CTNND2: variants seen among roughly 807,000 people sequenced by gnomAD.
The protein encoded by CTNND2 is catenin delta 2.
CTNND2 carries 22 observed loss-of-function variants against 144.4 expected under a neutral mutation model. The observed-to-expected ratio is 0.15, with a 90% CI of 0.11 to 0.22. CTNND2 has a LOEUF of 0.22. Ranked by LOEUF, CTNND2 falls within the 10% of genes least tolerant of loss-of-function variation. The probability of loss-of-function intolerance (pLI) is 1.00; values close to 1 mark genes in which losing one functional copy is unlikely to be tolerated. For missense variants in CTNND2, 1,353 were observed against 1,618.8 expected, an observed-to-expected ratio of 0.84 and a Z score of 2.82; for synonymous variants, 751 against 695.6, an observed-to-expected ratio of 1.08 and a Z score of -1.25.
intron 9 of CTNND2, among the ~76,000 whole-genome samples, chr5:11,329,406 C>T (rs572915469): frequency 1.3e-5 from 2 of 152,300 alleles, no homozygotes; most frequent in Admixed American, 6.5e-5. Context: ...CCCCATCCCT[C>T]GGCCTCCCAA....
At chr5:11,549,125 T>C (rs1775527176) in intron 3 of CTNND2, among the ~76,000 whole-genome samples, 1 of 152,230 alleles carries the variant, frequency 6.6e-6, no homozygotes, top group South Asian at 2.1e-4. Flanking sequence ...GCTTGATATA[T>C]GTCTTGTTAT....
At chr5:11,311,058 G>GC (rs568671901) in intron 9 of CTNND2, among the ~76,000 whole-genome samples, 191 of 115,434 alleles carry the variant, frequency 1.7e-3, no homozygotes, top group African/African-American at 6.1e-3. Context: ...AGGCACTCAC[G>GC]CTCCCCATGC....
chr5:11,633,584 T>A (rs779229244), intron 2 of CTNND2, among the ~76,000 whole-genome samples: 2 of 152,072 alleles, frequency 1.3e-5, no homozygotes, highest in Non-Finnish European at 2.9e-5. Context: ...GAGACAACCA[T>A]GGCCAACATA....
At chr5:11,552,972 AT>A (rs1775896284) in intron 3 of CTNND2, among the ~76,000 whole-genome samples, 1 of 152,208 alleles carries the variant, frequency 6.6e-6, no homozygotes, top group East Asian at 1.9e-4. Context: ...GGAGACACAA[AT>A]GCCTTTCTAC....
At chr5:11,762,125 C>T in intron 1 of CTNND2, among the ~76,000 whole-genome samples, 1 of 152,068 alleles carries the variant, frequency 6.6e-6, no homozygotes, top group Non-Finnish European at 1.5e-5. Context: ...ATCTCAATTT[C>T]ACGTTGTCAA....
At chr5:11,208,123 T>G (rs1738242738) in intron 10 of CTNND2, among the ~76,000 whole-genome samples, 1 of 152,172 alleles carries the variant, frequency 6.6e-6, no homozygotes, top group South Asian at 2.1e-4. Flanking sequence ...CAACATGGTA[T>G]AGAAAATACT....
chr5:11,617,607 T>C (rs1780641068), intron 2 of CTNND2, among the ~76,000 whole-genome samples: 1 of 152,206 alleles, frequency 6.6e-6, no homozygotes, highest in Non-Finnish European at 1.5e-5. Context: ...AAAATGAATA[T>C]TAAATGGCTC....
chr5:11,307,497 A>T lies in CTNND2; in HGVS notation c.1628+38875T>A, dbSNP rs564206606. On this transcript the variant is annotated intron_variant, in intron 9 of 21. Transcript: ENST00000304623. ...TATGACAGGGGCCAAGGGGCTGAAG[A>T]AAGTTTCGCTTGCTGAACAATGCCT... Among the ~76,000 whole-genome samples, 6 of 152,276 alleles carry T rather than the reference A, an allele frequency of 3.9e-5. No homozygotes were observed. The East Asian group carries it at 1.2e-3, about 29-fold the overall frequency.
chr5:11,499,147 A>T (rs1245350816), intron 3 of CTNND2, among the ~76,000 whole-genome samples: 1 of 152,200 alleles, frequency 6.6e-6, no homozygotes, highest in Non-Finnish European at 1.5e-5. Flanking sequence ...GAGGGAATAA[A>T]CACCTTTGAA....
rs1465534959 is a variant in CTNND2 at position 11,206,146 on chromosome 5, T to G, written c.1762-6485A>C. On this transcript the variant is annotated intron_variant, in intron 10 of 21. Transcript: ENST00000304623. ...AAATTAATTTAATAAAATGTTGATA[T>G]GTGATAGTGAAAGGAATACAATTTA... Among the ~76,000 whole-genome samples, 4 of 152,238 alleles carry G rather than the reference T, an allele frequency of 2.6e-5. No homozygotes were observed. In the South Asian group the frequency reaches 6.2e-4, roughly 24 times the overall value.
At chr5:11,108,055 A>C (rs1752595703) in intron 14 of CTNND2, among the ~76,000 whole-genome samples, 1 of 152,218 alleles carries the variant, frequency 6.6e-6, no homozygotes, top group Admixed American at 6.5e-5. Flanking sequence ...TAATATGATA[A>C]TAACTAGCAG....
At chr5:11,092,643 C>A (rs189083123) in intron 15 of CTNND2, among the ~76,000 whole-genome samples, 15 of 152,314 alleles carry the variant, frequency 9.8e-5, no homozygotes, top group African/African-American at 3.6e-4. Flanking sequence ...CAGGACACTG[C>A]TGACTAGACA....
intron 9 of CTNND2, among the ~76,000 whole-genome samples, chr5:11,268,993 C>CA (rs1333994842): frequency 1.8e-4 from 28 of 152,198 alleles, no homozygotes; most frequent in African/African-American, 6.3e-4. Context: ...CATAAATGCT[C>CA]ACTCTGTTCC....
At chr5:11,596,386 GC>G (rs1779503629) in intron 2 of CTNND2, among the ~76,000 whole-genome samples, 1 of 152,122 alleles carries the variant, frequency 6.6e-6, no homozygotes. Context: ...CTTTGGCTGG[GC>G]TTAGGTATTA....
intron 3 of CTNND2, among the ~76,000 whole-genome samples, chr5:11,505,826 T>C (rs1770975444): frequency 1.3e-5 from 2 of 152,112 alleles, no homozygotes; most frequent in Non-Finnish European, 1.5e-5. Flanking sequence ...CTCCTCACGA[T>C]CCTCTGTGAC....
At chr5:11,650,145 T>C (rs541816434) in intron 2 of CTNND2, among the ~76,000 whole-genome samples, 143 of 152,198 alleles carry the variant, frequency 9.4e-4, no homozygotes, top group African/African-American at 3.3e-3. Flanking sequence ...GTGGGGGTGA[T>C]TTCCCCCTTG....
At chr5:11,435,900 C>A (rs937562175) in intron 3 of CTNND2, among the ~76,000 whole-genome samples, 1 of 152,130 alleles carries the variant, frequency 6.6e-6, no homozygotes, top group Non-Finnish European at 1.5e-5. Flanking sequence ...GTCAAATGCT[C>A]ACATTTCTTG....
intron 2 of CTNND2, among the ~76,000 whole-genome samples, chr5:11,686,314 G>C (rs764543603): frequency 6.6e-6 from 1 of 152,108 alleles, no homozygotes; most frequent in Non-Finnish European, 1.5e-5. Flanking sequence ...GTAACTCTGT[G>C]AGGCATTACA....
chr5:11,461,040 A>G (rs1766172998), intron 3 of CTNND2, among the ~76,000 whole-genome samples: 2 of 143,910 alleles, frequency 1.4e-5, no homozygotes, highest in Non-Finnish European at 3.1e-5. Context: ...GAGACTCTGG[A>G]AAAAAAAAAA....
Sources: gnomAD v4.1 joint callset for allele counts (sites outside exome capture counted in the v4.1 genomes callset) on GRCh38, gnomAD v4.1.1 for gene constraint, MANE v1.5 for transcripts, NCBI Gene and HGNC (gene_info 2026-07-23, HGNC 2026-07-21) for gene names.